Variants in SORCS2 observed in about 807,000 individuals in gnomAD.
SORCS2 encodes VPS10 domain-containing receptor SorCS2.
A neutral mutation model predicts 141.6 loss-of-function variants in SORCS2; 100 were observed. The ratio of observed to expected loss-of-function variants is 0.71; its 90% confidence interval spans 0.60 to 0.83. The LOEUF is 0.83. Among genes scored for constraint, SORCS2 ranks in the 40% least tolerant of loss-of-function variants. The pLI, the probability that SORCS2 is intolerant of heterozygous loss-of-function variation, is 0.00. For missense variants in SORCS2, 1,646 were observed against 1,560.2 expected (o/e 1.05, Z -0.93); for synonymous variants, 789 against 676.9 (o/e 1.17, Z -2.57).
intron 1 of SORCS2, among the ~76,000 whole-genome samples, chr4:7,244,230 C>T (rs1712919321): frequency 6.6e-6 from 1 of 152,234 alleles, no homozygotes; most frequent in Admixed American, 6.5e-5. Context: ...GGCTAAACCC[C>T]AGCAGCACTG....
intron 3 of SORCS2, among the ~76,000 whole-genome samples, chr4:7,544,134 A>T (rs1255373362): frequency 6.6e-6 from 1 of 151,530 alleles, no homozygotes; most frequent in Non-Finnish European, 1.5e-5. Flanking sequence ...CCACTCATGC[A>T]TCTACCCATC....
chr4:7,318,489 C>T (rs1718698826), intron 1 of SORCS2, among the ~76,000 whole-genome samples: 1 of 152,216 alleles, frequency 6.6e-6, no homozygotes, highest in Admixed American at 6.5e-5. Flanking sequence ...GGGAGTCAGA[C>T]ACACCTGAGC....
At chr4:7,675,963 C>T in intron 8 of SORCS2, 87 bp from the exon 9 acceptor site, 2 of 1,450,554 alleles carry the variant, frequency 1.4e-6, no homozygotes, top group Non-Finnish European at 9.3e-7. Flanking sequence ...GTCTTCTGCA[C>T]CCTCACGGCC....
chr4:7,668,271 T>C (rs1722612822), intron 8 of SORCS2, among the ~76,000 whole-genome samples: 1 of 152,028 alleles, frequency 6.6e-6, no homozygotes, highest in Non-Finnish European at 1.5e-5. Flanking sequence ...GGAGGGCGTG[T>C]GTATGAGTGT....
At chr4:7,641,791 TGGATGGATGGATGGATGGATGGATGG>T (rs1206162213) in intron 4 of SORCS2, among the ~76,000 whole-genome samples, 1 of 122,540 alleles carries the variant, frequency 8.2e-6, no homozygotes, top group African/African-American at 2.8e-5. Context: ...GATGGATGGA[TGGATGGATGGATGGATGGATGGATGG>T]GTGGGTGGAT....
At chr4:7,488,966 C>T (rs1310282598) in intron 2 of SORCS2, among the ~76,000 whole-genome samples, 1 of 152,366 alleles carries the variant, frequency 6.6e-6, no homozygotes, top group South Asian at 2.1e-4. Context: ...GCTACATTTA[C>T]GTATTCGTGC....
intron 3 of SORCS2, among the ~76,000 whole-genome samples, chr4:7,602,754 G>A (rs1316107532): frequency 6.6e-6 from 1 of 151,742 alleles, no homozygotes; most frequent in South Asian, 2.1e-4. Flanking sequence ...TCCCAGACGG[G>A]GTGGCGGCCG....
chr4:7,470,991 G>T (rs1305331166), intron 2 of SORCS2, among the ~76,000 whole-genome samples: 10 of 152,148 alleles, frequency 6.6e-5, no homozygotes, highest in Admixed American at 6.5e-4. Context: ...AGTAGTCATG[G>T]GGTCTCTACC....
At position 7,638,250 on chromosome 4, in the gene SORCS2, C is replaced by G. The variant is rs189749857; in HGVS notation, c.649-78C>G. 5.1e-5 allele frequency: 74 copies of G among 1,461,470 alleles called. 1 individual carries two copies. In the East Asian group the frequency reaches 1.7e-3, roughly 34 times the overall value. 90.5% of individuals were successfully genotyped at this position (1,461,470 alleles called of 1,614,324 possible). A position where few individuals can be genotyped will look rare whatever the true frequency, so the allele number is the denominator to read the frequency against. On this transcript the variant is annotated intron_variant, in intron 3 of 26. Coordinates refer to ENST00000507866, the MANE Select transcript of SORCS2 (RefSeq NM_020777.3). ...TGTGAGGGAGAGAGGCGCACCTGGC[C>G]CAGGCCTCACAACACCTTTCTGGTG...
intron 1 of SORCS2, among the ~76,000 whole-genome samples, chr4:7,202,139 T>G (rs1015176874): frequency 2.0e-5 from 3 of 152,212 alleles, no homozygotes; most frequent in Non-Finnish European, 4.4e-5. Context: ...ATCCCTGACC[T>G]GCTCTGCAAG....
At chr4:7,269,362 G>A (rs1714962874) in intron 1 of SORCS2, among the ~76,000 whole-genome samples, 1 of 152,220 alleles carries the variant, frequency 6.6e-6, no homozygotes, top group Admixed American at 6.5e-5. Context: ...GCCAGGTGAT[G>A]TGTGTTGAGG....
chr4:7,609,925 C>T (rs569148071), intron 3 of SORCS2, among the ~76,000 whole-genome samples: 11 of 152,328 alleles, frequency 7.2e-5, no homozygotes, highest in South Asian at 4.1e-4. Context: ...CGAATGCAGC[C>T]GGGCACCCTA....
intron 1 of SORCS2, among the ~76,000 whole-genome samples, chr4:7,298,430 T>C (rs1236080631): frequency 6.6e-6 from 1 of 152,128 alleles, no homozygotes; most frequent in African/African-American, 2.4e-5. Context: ...CAAGCAACAG[T>C]GCAGACTTTT....
rs543041248 is a variant in SORCS2 at position 7,373,118 on chromosome 4, G to C, written c.481-23170G>C. On this transcript the variant is annotated intron_variant, in intron 1 of 26. Coordinates refer to ENST00000507866, the MANE Select transcript of SORCS2 (RefSeq NM_020777.3). ...TTAAATACGTAGCCGTGACATGGCT[G>C]GATATGATAAATATATGTTTAACTT... Among the ~76,000 whole-genome samples the C allele has an allele frequency of 1.5e-4, 23 of 151,686 alleles. 1 individual carries two copies. The South Asian group carries it at 4.4e-3, about 29-fold the overall frequency.
At chr4:7,547,514 C>A (rs1713351946) in intron 3 of SORCS2, among the ~76,000 whole-genome samples, 1 of 152,276 alleles carries the variant, frequency 6.6e-6, no homozygotes, top group African/African-American at 2.4e-5. Context: ...GACTAACCAG[C>A]CATCAGAGGT....
At chr4:7,593,131 C>T (rs1410512860) in intron 3 of SORCS2, among the ~76,000 whole-genome samples, 1 of 152,152 alleles carries the variant, frequency 6.6e-6, no homozygotes, top group Non-Finnish European at 1.5e-5. Context: ...CGCACCCCTG[C>T]ACTCCAGCCT....
chr4:7,619,793 C>T (rs1050647765), intron 3 of SORCS2, among the ~76,000 whole-genome samples: 3 of 152,140 alleles, frequency 2.0e-5, no homozygotes, highest in African/African-American at 7.2e-5. Context: ...GCATAGTGCC[C>T]GAGTGGGAAG....
chr4:7,293,217 T>C (rs568013950), intron 1 of SORCS2, among the ~76,000 whole-genome samples: 184 of 151,078 alleles, frequency 1.2e-3, no homozygotes, highest in African/African-American at 3.9e-3. Context: ...GGCAGGAGAA[T>C]GGCGTGAACC....
intron 11 of SORCS2, among the ~76,000 whole-genome samples, chr4:7,692,016 CAGG>C (rs1384590773): frequency 1.3e-5 from 2 of 151,966 alleles, no homozygotes; most frequent in East Asian, 3.9e-4. Flanking sequence ...CCTACAAGGG[CAGG>C]AGACTACACT....
Sources: gnomAD v4.1 joint callset for allele counts (sites outside exome capture counted in the v4.1 genomes callset) on GRCh38, gnomAD v4.1.1 for gene constraint, MANE v1.5 for transcripts, NCBI Gene and HGNC (gene_info 2026-07-23, HGNC 2026-07-21) for gene names.